The following FYTTD1 variants were observed in gnomAD, a reference collection of about 807,000 sequenced individuals.
FYTTD1 encodes forty-two-three domain containing 1.
In FYTTD1, 22 loss-of-function variants were observed where a neutral mutation model predicts 40.9. The ratio of observed to expected loss-of-function variants is 0.54; its 90% CI spans 0.38 to 0.77. The LOEUF is 0.77. FYTTD1 is among the 30% of genes least tolerant of loss of function. The pLI is 0.00. For synonymous variants in FYTTD1, 140 were observed against 137.9 expected (o/e 1.01, Z -0.10); for missense variants, 351 against 392.2 (o/e 0.90, Z 0.89).
chr3:197,774,088 C>G (rs374937231), intron 5 of FYTTD1, 61 bp from the exon 6 acceptor site: 1 of 1,377,920 alleles, frequency 7.3e-7, no homozygotes, highest in African/African-American at 1.4e-5. Flanking sequence ...AGAGCAGGAT[C>G]GCTCTTTGGA....
At chr3:197,768,926 G>C (rs995813461) in intron 3 of FYTTD1, among the ~76,000 whole-genome samples, 1 of 151,862 alleles carries the variant, frequency 6.6e-6, no homozygotes, top group South Asian at 2.1e-4. Context: ...CCGAGTAGCT[G>C]GGATTACAGG....
chr3:197,752,690 TACAC>T (rs1159333281), intron 1 of FYTTD1, among the ~76,000 whole-genome samples: 2 of 152,168 alleles, frequency 1.3e-5, no homozygotes, highest in African/African-American at 2.4e-5. Context: ...TTTTTATACA[TACAC>T]TACATATATG....
chr3:197,751,649 CGCA>C (rs1729058380), intron 1 of FYTTD1, among the ~76,000 whole-genome samples: 1 of 150,852 alleles, frequency 6.6e-6, no homozygotes. Flanking sequence ...TCTCCCCCCC[CGCA>C]AAAAAGAGAG....
rs1442547452 is a variant in FYTTD1, at chr3:197,776,925, A to G, written c.657-2A>G. The G allele has an allele frequency of 6.3e-7, 1 of 1,599,282 alleles. No individual in the cohort carries two copies. ...AATTTTTTTTATTTTTTTTGAAACT[A>G]GATGGCGGACTTCCACCACAAATGG... On this transcript the variant is annotated splice_acceptor_variant, in intron 6 of 8. Transcript: ENST00000241502. LOFTEE classifies it high-confidence loss of function.
At chr3:197,772,473 C>T (rs796615851) in intron 4 of FYTTD1, among the ~76,000 whole-genome samples, 64 of 152,214 alleles carry the variant, frequency 4.2e-4, no homozygotes, top group African/African-American at 1.5e-3. Context: ...CACCATGGCA[C>T]ATGTATAGCT....
Position 197,776,384 on chromosome 3 carries a change from G to GT in FYTTD1, c.657-523dup, listed in dbSNP as rs869308035. Among the ~76,000 whole-genome samples the GT allele has an allele frequency of 1.6e-3, 213 of 133,220 alleles. 1 individual carries two copies. The highest frequency in any genetic ancestry group is 2.2e-3 in the Admixed American group (28 of 12,936). The allele number at this position is 133,220 out of a possible 152,430, so 87.4% of individuals were successfully genotyped here. A position where few individuals can be genotyped will look rare whatever the true frequency, so the allele number is the denominator to read the frequency against. ...CACACCCCACGCCCAGCTTAAATTT[G>GT]TTTTTTTTTTTTTTTTTTTTGGTAG... On this transcript the variant is annotated intron_variant, in intron 6 of 8. Transcript: ENST00000241502.
chr3:197,777,763 A>G (rs912562679), intron 7 of FYTTD1, among the ~76,000 whole-genome samples: 3 of 151,966 alleles, frequency 2.0e-5, no homozygotes, highest in African/African-American at 7.3e-5. Flanking sequence ...TGCCCAGGCT[A>G]GAGTGCAGTG....
intron 3 of FYTTD1, among the ~76,000 whole-genome samples, chr3:197,769,911 G>A (rs1047813724): frequency 2.0e-5 from 3 of 151,944 alleles, no homozygotes; most frequent in Non-Finnish European, 2.9e-5. Flanking sequence ...CCCATCACCT[G>A]TGGGTCCCCC....
At chr3:197,777,264 C>A (rs1220080022) in intron 7 of FYTTD1, among the ~76,000 whole-genome samples, 1 of 152,084 alleles carries the variant, frequency 6.6e-6, no homozygotes, top group African/African-American at 2.4e-5. Context: ...ACTCTGTGTA[C>A]CCTTTTTTTG....
chr3:197,763,482 G>A, intron 2 of FYTTD1: 1 of 431,030 alleles, frequency 2.3e-6, no homozygotes, highest in Admixed American at 2.7e-5. Context: ...AAACTTTGGA[G>A]TCCTCAATTG....
At chr3:197,780,382 C>T (rs1052434366) in intron 8 of FYTTD1, among the ~76,000 whole-genome samples, 1 of 152,148 alleles carries the variant, frequency 6.6e-6, no homozygotes, top group African/African-American at 2.4e-5. Context: ...TAATTCCTTT[C>T]CAATCTTTAA....
chr3:197,771,086 G>C (rs1729701970), intron 4 of FYTTD1, among the ~76,000 whole-genome samples: 1 of 152,168 alleles, frequency 6.6e-6, no homozygotes, highest in Non-Finnish European at 1.5e-5. Flanking sequence ...TGGGTGCAGT[G>C]GCATGTGCCT....
At position 197,749,903 on chromosome 3, in the gene FYTTD1, C is replaced by T. The variant is rs1320531836; in HGVS notation, c.-69C>T. The stretch of plus-strand genomic sequence containing the variant: ...CCCTCGGTGCGGCGGGCTGCGTGCG[C>T]GAGTGGGAGGTGGCAGGCCTGCGAC... On this transcript the variant is annotated 5_prime_UTR_variant, in exon 1 of 9. Transcript: ENST00000241502. 4.1e-6 allele frequency: 4 copies of T among 984,554 alleles called. No homozygotes were observed. Among genetic ancestry groups the T allele is most frequent in the South Asian group, 1.9e-5 (1 of 51,610 alleles). 61.0% of individuals were successfully genotyped at this position (984,554 alleles called of 1,614,324 possible). A position where few individuals can be genotyped will look rare whatever the true frequency, so the allele number is the denominator to read the frequency against.
At chr3:197,756,295 A>G (rs925975244) in intron 1 of FYTTD1, 131 bp from the exon 2 acceptor site, 2 of 678,164 alleles carry the variant, frequency 2.9e-6, no homozygotes, top group Admixed American at 2.7e-5. Context: ...GATTCTTGTT[A>G]TTATCCTCTT....
At chr3:197,750,968 A>G (rs1017963519) in intron 1 of FYTTD1, 2 of 473,936 alleles carry the variant, frequency 4.2e-6, no homozygotes, top group South Asian at 8.9e-5. Flanking sequence ...AGGTGGGCTA[A>G]AAGTACGAAT....
Position 197,785,511 on chromosome 3 carries a change from G to T in FYTTD1, c.*3602G>T, listed in dbSNP as rs527694775. On this transcript the variant is annotated 3_prime_UTR_variant, in exon 9 of 9. Transcript: ENST00000241502. The stretch of plus-strand genomic sequence containing the variant: ...CAGCAGTGAGTTTTTATTAGACTAG[G>T]TATGTATATCATTATTAATATTTTA... 6.6e-6 allele frequency: 1 copy of T among 151,914 alleles called. No individual in the cohort carries two copies. The highest frequency in any genetic ancestry group is 2.4e-5 in the African/African-American group (1 of 41,374). 9.4% of individuals were successfully genotyped at this position (151,914 alleles called of 1,614,324 possible).
intron 2 of FYTTD1, among the ~76,000 whole-genome samples, chr3:197,767,439 C>CT (rs1472000576): frequency 3.8e-5 from 2 of 52,692 alleles, no homozygotes; most frequent in Non-Finnish European, 8.8e-5. Flanking sequence ...CACCTGGCTG[C>CT]TATTTTTTTT....
chr3:197,758,213 G>A (rs1249528029), intron 2 of FYTTD1, among the ~76,000 whole-genome samples: 2 of 152,176 alleles, frequency 1.3e-5, no homozygotes, highest in Non-Finnish European at 2.9e-5. Flanking sequence ...ACTGCGCCTG[G>A]CCTAAATATT....
At chr3:197,776,529 G>GC (rs1729881083) in intron 6 of FYTTD1, among the ~76,000 whole-genome samples, 1 of 146,392 alleles carries the variant, frequency 6.8e-6, no homozygotes, top group Admixed American at 6.9e-5. Flanking sequence ...CTGCAGCAAG[G>GC]TTTTTTTTTT....
Sources: allele counts gnomAD v4.1 joint callset (sites outside exome capture counted in the v4.1 genomes callset), GRCh38; gene constraint gnomAD v4.1.1; transcripts MANE v1.5; gene names NCBI Gene and HGNC (gene_info 2026-07-23, HGNC 2026-07-21).